CADM2: variants seen among roughly 807,000 people sequenced by gnomAD.
CADM2 encodes cell adhesion molecule 2.
A neutral mutation model predicts 49.8 loss-of-function variants in CADM2; 12 were observed. The ratio of observed to expected loss-of-function variants is 0.24; its 90% CI spans 0.15 to 0.39. CADM2 has a LOEUF of 0.39. Among genes scored for constraint, CADM2 ranks in the 10% least tolerant of loss-of-function variants. The pLI is 1.00. For synonymous variants in CADM2, 214 were observed against 175.4 expected (o/e 1.22, Z -1.74); for missense variants, 378 against 492.3 (o/e 0.77, Z 2.20).
At chr3:85,629,156 T>A (rs1481555631) in intron 1 of CADM2, among the ~76,000 whole-genome samples, 2 of 151,794 alleles carry the variant, frequency 1.3e-5, no homozygotes, top group Non-Finnish European at 2.9e-5. Flanking sequence ...TATATATATG[T>A]TTTTAAGTAA....
chr3:85,378,191 G>A (rs2107344670), intron 1 of CADM2, among the ~76,000 whole-genome samples: 1 of 152,094 alleles, frequency 6.6e-6, no homozygotes, highest in South Asian at 2.1e-4. Flanking sequence ...AACAAAATCT[G>A]TGCTTTTTAA....
chr3:85,978,598 C>G (rs576669917), intron 8 of CADM2, among the ~76,000 whole-genome samples: 1 of 151,666 alleles, frequency 6.6e-6, no homozygotes, highest in East Asian at 2.0e-4. Context: ...TTTGTGAGAA[C>G]AGGAGAAGCA....
chr3:85,358,711 G>A (rs1334085049), intron 1 of CADM2, among the ~76,000 whole-genome samples: 1 of 152,158 alleles, frequency 6.6e-6, no homozygotes, highest in Non-Finnish European at 1.5e-5. Context: ...CTGTTTATGT[G>A]TAACGTCCTC....
intron 1 of CADM2, among the ~76,000 whole-genome samples, chr3:85,687,330 A>G (rs2066247523): frequency 6.6e-6 from 1 of 152,206 alleles, no homozygotes; most frequent in African/African-American, 2.4e-5. Context: ...TACTTTAGCC[A>G]TAGTTGCTTT....
At chr3:85,460,357 A>T (rs2038186397) in intron 1 of CADM2, among the ~76,000 whole-genome samples, 1 of 152,180 alleles carries the variant, frequency 6.6e-6, no homozygotes, top group Non-Finnish European at 1.5e-5. Context: ...ACTTTATAAA[A>T]AAAAATTTTC....
intron 1 of CADM2, among the ~76,000 whole-genome samples, chr3:85,234,327 A>G (rs556361410): frequency 6.6e-6 from 1 of 152,154 alleles, no homozygotes; most frequent in African/African-American, 2.4e-5. Flanking sequence ...AGCATAATAT[A>G]GTATAGATTT....
At chr3:85,949,772 T>C (rs1270959390) in intron 7 of CADM2, among the ~76,000 whole-genome samples, 4 of 151,108 alleles carry the variant, frequency 2.6e-5, no homozygotes, top group African/African-American at 9.7e-5. Flanking sequence ...AGTAGTATAA[T>C]GATAACACAG....
At chr3:85,068,113 A>T (rs563920411) in intron 1 of CADM2, among the ~76,000 whole-genome samples, 5 of 152,216 alleles carry the variant, frequency 3.3e-5, no homozygotes, top group Non-Finnish European at 7.3e-5. Flanking sequence ...CAGACTTTAG[A>T]GAATCATTTC....
chr3:85,953,028 A>T (rs1723637124), intron 7 of CADM2, among the ~76,000 whole-genome samples: 1 of 150,078 alleles, frequency 6.7e-6, no homozygotes, highest in Admixed American at 6.7e-5. Flanking sequence ...TGTTTCCCCC[A>T]CACCTGTACC....
chr3:85,430,970 A>T (rs1026046820), intron 1 of CADM2, among the ~76,000 whole-genome samples: 3 of 152,168 alleles, frequency 2.0e-5, no homozygotes, highest in African/African-American at 7.2e-5. Context: ...TAACAAGAAG[A>T]TTATGTTGCT....
intron 1 of CADM2, among the ~76,000 whole-genome samples, chr3:85,247,661 A>G (rs1473296135): frequency 6.6e-6 from 1 of 152,182 alleles, no homozygotes; most frequent in Non-Finnish European, 1.5e-5. Flanking sequence ...TTGACTTGGA[A>G]TAGTATGAAT....
intron 1 of CADM2, among the ~76,000 whole-genome samples, chr3:85,251,407 A>T (rs183604343): frequency 5.5e-4 from 84 of 152,024 alleles, no homozygotes; most frequent in African/African-American, 2.0e-3. Context: ...TTTGATTTAA[A>T]TGTGTCACAT....
intron 1 of CADM2, among the ~76,000 whole-genome samples, chr3:85,669,630 A>G (rs1577054944): frequency 1.3e-5 from 2 of 152,150 alleles, no homozygotes; most frequent in African/African-American, 2.4e-5. Context: ...AGAAATGCCT[A>G]TAATCAACCA....
chr3:85,474,830 G>A (rs1227348215), intron 1 of CADM2, among the ~76,000 whole-genome samples: 1 of 151,778 alleles, frequency 6.6e-6, no homozygotes, highest in African/African-American at 2.4e-5. Flanking sequence ...ATTGTAAAAT[G>A]ACAGAGCTTA....
chr3:85,622,621 C>T (rs2064008561), intron 1 of CADM2, among the ~76,000 whole-genome samples: 1 of 152,108 alleles, frequency 6.6e-6, no homozygotes, highest in African/African-American at 2.4e-5. Context: ...TCTTAACCAT[C>T]TTTTCCCCTT....
At chr3:85,462,412 C>A (rs2038290588) in intron 1 of CADM2, among the ~76,000 whole-genome samples, 1 of 152,032 alleles carries the variant, frequency 6.6e-6, no homozygotes, top group Non-Finnish European at 1.5e-5. Flanking sequence ...GAAAAAGTAG[C>A]CTAAGTCACC....
At chr3:85,887,136 G>A (rs1713772888) in intron 5 of CADM2, among the ~76,000 whole-genome samples, 1 of 152,082 alleles carries the variant, frequency 6.6e-6, no homozygotes, top group African/African-American at 2.4e-5. Context: ...CACGCAGGCT[G>A]GAATGCAGTG....
At chr3:85,536,147 A>T (rs1576746545) in intron 1 of CADM2, among the ~76,000 whole-genome samples, 1 of 152,082 alleles carries the variant, frequency 6.6e-6, no homozygotes, top group Non-Finnish European at 1.5e-5. Context: ...TTAAGGGATT[A>T]ACTGATAGAA....
At chr3:85,989,103 C>T (rs1728462641) in intron 8 of CADM2, among the ~76,000 whole-genome samples, 2 of 152,042 alleles carry the variant, frequency 1.3e-5, no homozygotes, top group Non-Finnish European at 2.9e-5. Flanking sequence ...TAATTTTAAG[C>T]CCCATTCCTC....
Sources: gnomAD v4.1 joint callset for allele counts (sites outside exome capture counted in the v4.1 genomes callset) on GRCh38, gnomAD v4.1.1 for gene constraint, MANE v1.5 for transcripts, NCBI Gene and HGNC (gene_info 2026-07-23, HGNC 2026-07-21) for gene names.